The following AP5Z1 variants were observed in gnomAD, a reference collection of about 807,000 sequenced individuals.
The protein encoded by AP5Z1 is adaptor related protein complex 5 subunit zeta 1.
AP5Z1 carries 106 observed loss-of-function variants against 83.0 expected under a neutral mutation model. The observed-to-expected ratio is 1.28, with a 90% confidence interval of 1.09 to 1.50. The LOEUF is 1.50. Among genes scored for constraint, AP5Z1 ranks in the 40% most tolerant of loss-of-function variants. The pLI is 0.00. For synonymous variants in AP5Z1, 751 were observed against 514.1 expected (o/e 1.46, Z -6.23); for missense variants, 1,565 against 1,094.2 (o/e 1.43, Z -6.07).
At chr7:4,784,773 T>G in intron 6 of AP5Z1, 135 bp from the exon 7 acceptor site, 1 of 1,256,438 alleles carries the variant, frequency 8.0e-7, no homozygotes, top group South Asian at 1.7e-5. Flanking sequence ...GTGGACGTCC[T>G]GAGACGGTGA....
At chr7:4,784,762 G>A in intron 6 of AP5Z1, 146 bp from the exon 7 acceptor site, 18 of 1,139,810 alleles carry the variant, frequency 1.6e-5, no homozygotes, top group Non-Finnish European at 2.2e-5. Context: ...CTGCCGGGTG[G>A]GTGGACGTCC....
intron 2 of AP5Z1, 23 bp downstream of exon 2, chr7:4,781,335 CCGGCTCCTCACACAG>C: frequency 6.2e-7 from 1 of 1,611,566 alleles, no homozygotes; most frequent in Non-Finnish European, 8.5e-7. Flanking sequence ...ACGGCTCAGG[CCGGCTCCTCACACAG>C]CGGCCCCAGG....
At position 4,790,454 on chromosome 7, in the gene AP5Z1, G is replaced by C. The variant is rs1363362473; in HGVS notation, c.1806-5G>C. On this transcript the variant is annotated splice_region_variant and splice_polypyrimidine_tract_variant and intron_variant, in intron 14 of 16. Coordinates refer to ENST00000649063, the MANE Select transcript of AP5Z1 (RefSeq NM_014855.3). ...GAGCAGGCGTAGACCCGGCTTTCTG[G>C]GCAGTGTGCTGAGTTCTCAGTTCCT... 6.2e-7 allele frequency: 1 copy of C among 1,613,090 alleles called. No homozygotes were observed.
At chr7:4,786,181 C>T (rs1185854326) in intron 9 of AP5Z1, 69 bp from the exon 10 acceptor site, 3 of 1,472,996 alleles carry the variant, frequency 2.0e-6, no homozygotes, top group African/African-American at 1.4e-5. Context: ...CTCAGGGCCC[C>T]TAACCAGTCA....
Position 4,783,698 on chromosome 7 carries a change from C to T in AP5Z1, c.521C>T (p.Thr174Ile). 3 of 1,550,546 alleles carry T rather than the reference C, an allele frequency of 1.9e-6. No individual in the cohort carries two copies. The highest frequency in any genetic ancestry group is 2.4e-5 in the East Asian group (1 of 40,908). ...ACCCCACCCACTGCAGACCAGGCCACCCTGCTCAGCAAGCGGCTGGTCGAC... is the reference window on the plus strand; with the variant it reads ...ACCCCACCCACTGCAGACCAGGCCATCCTGCTCAGCAAGCGGCTGGTCGAC... ...SPGTLQEDQA[T>I]LLSKRLVDWL... Residue 174 changes from threonine to isoleucine, a missense_variant, in exon 5 of 17, where the codon ACC becomes ATC. Physicochemically the swap from Thr to Ile is moderately conservative, Grantham distance 89 (BLOSUM62 -1). Coordinates refer to ENST00000649063, the MANE Select transcript of AP5Z1 (RefSeq NM_014855.3).
At chr7:4,776,327 C>G (rs1166765632) in intron 1 of AP5Z1, among the ~76,000 whole-genome samples, 1 of 152,078 alleles carries the variant, frequency 6.6e-6, no homozygotes, top group African/African-American at 2.4e-5. Flanking sequence ...TCCTTCCTCA[C>G]CAACTAACCA....
At chr7:4,787,883 TC>T (rs371933919) in intron 11 of AP5Z1, 107 bp downstream of exon 11, 164 of 1,325,390 alleles carry the variant, frequency 1.2e-4, no homozygotes, top group South Asian at 3.0e-4. Flanking sequence ...CCCTCCTTCT[TC>T]CCCCCCCAAC....
At chr7:4,777,826 A>G (rs1475530615) in intron 1 of AP5Z1, among the ~76,000 whole-genome samples, 2 of 152,216 alleles carry the variant, frequency 1.3e-5, no homozygotes, top group Non-Finnish European at 2.9e-5. Flanking sequence ...GGTTTCAAGA[A>G]GGTTAATCTA....
intron 14 of AP5Z1, chr7:4,790,191 C>T (rs1310754031): frequency 3.2e-6 from 5 of 1,544,018 alleles, no homozygotes; most frequent in South Asian, 1.2e-5. Flanking sequence ...CCGTCTTGTC[C>T]CCTGGGGTCC....
intron 12 of AP5Z1, 109 bp downstream of exon 12, chr7:4,788,403 T>C: frequency 6.7e-6 from 9 of 1,337,844 alleles, no homozygotes; most frequent in Non-Finnish European, 9.0e-6. Context: ...GTGCTTTGTG[T>C]CCCACACAAG....
rs759903205 is a variant in AP5Z1 at position 4,790,845 on chromosome 7, C to T, written c.2111C>T (p.Thr704Met). Residue 704 changes from threonine to methionine, a missense_variant, in exon 16 of 17, where the codon ACG (threonine) becomes ATG (methionine). By Grantham distance (81) the Thr-to-Met change is moderately conservative. Coordinates refer to ENST00000649063, the MANE Select transcript of AP5Z1 (RefSeq NM_014855.3). ...CAGGTGGTCACCGTGCTGATGACCA[C>T]GCTGACGAAGCTGGCCTCCCGGAGC... The part of the protein sequence containing the change: ...PPQVVTVLMT[T>M]LTKLASRSQD... 3.2e-5 allele frequency: 52 copies of T among 1,608,740 alleles called. No homozygotes were observed. The highest frequency in any genetic ancestry group is 4.4e-5 in the South Asian group (4 of 89,962).
At chr7:4,786,481 GC>G in intron 10 of AP5Z1, 53 bp downstream of exon 10, 1 of 1,591,882 alleles carries the variant, frequency 6.3e-7, no homozygotes, top group Non-Finnish European at 8.6e-7. Context: ...AGTCCCTGGG[GC>G]TCCTCCCCTC....
intron 1 of AP5Z1, among the ~76,000 whole-genome samples, chr7:4,776,325 C>T (rs1423904166): frequency 3.3e-5 from 5 of 151,806 alleles, no homozygotes; most frequent in African/African-American, 1.2e-4. Flanking sequence ...GCTCCTTCCT[C>T]ACCAACTAAC....
intron 1 of AP5Z1, among the ~76,000 whole-genome samples, chr7:4,776,562 C>CAAAAAAAAAAAAAA (rs55916241): frequency 1.2e-5 from 1 of 82,416 alleles, no homozygotes; most frequent in Non-Finnish European, 2.9e-5. Context: ...ACTGAAAATA[C>CAAAAAAAAAAAAAA]AAAAAAAAAA....
At chr7:4,787,066 C>T (rs1177213045) in intron 10 of AP5Z1, among the ~76,000 whole-genome samples, 2 of 152,076 alleles carry the variant, frequency 1.3e-5, no homozygotes, top group Non-Finnish European at 2.9e-5. Context: ...GCCACCGCAC[C>T]CGGCCTGGTG....
At position 4,781,293 on chromosome 7, in the gene AP5Z1, G is replaced by C; in HGVS notation, c.160G>C (p.Ala54Pro). Residue 54 changes from alanine to proline, a missense_variant, in exon 2 of 17, where the codon GCC becomes CCC. Transcript: ENST00000649063. ...SLQRLFLIIS[A>P]TKYSRRLEKT... ...GCAGAGGCTCTTCCTCATCATCTCAGCCACGAAGTACAGCCGGAGGTGAGT... is the reference window on the plus strand; with the variant it reads ...GCAGAGGCTCTTCCTCATCATCTCACCCACGAAGTACAGCCGGAGGTGAGT... 6.2e-7 allele frequency: 1 copy of C among 1,613,622 alleles called. No individual in the cohort carries two copies. Among genetic ancestry groups the C allele is most frequent in the Non-Finnish European group, 8.5e-7 (1 of 1,179,824 alleles).
chr7:4,780,448 G>T (rs577549238), intron 1 of AP5Z1, among the ~76,000 whole-genome samples: 1 of 149,950 alleles, frequency 6.7e-6, no homozygotes, highest in Non-Finnish European at 1.5e-5. Flanking sequence ...GTGAAACCCC[G>T]TCTCTACTAA....
chr7:4,791,148 G>T lies in AP5Z1; in HGVS notation c.2187G>T (p.Leu729=), dbSNP rs766024004. ...TATTGCTGTCAAAGATGAGGACCCT[G>T]GCTCACAGTCCAGCCACCAGCTCCA... ...ASLLLSKMRT[L]AHSPATSSTH... The change falls in exon 17 of 17, where the codon CTG becomes CTT. Residue 729 remains leucine (L), a synonymous_variant. Coordinates refer to ENST00000649063, the MANE Select transcript of AP5Z1 (RefSeq NM_014855.3). 6 of 1,608,692 alleles carry T rather than the reference G, an allele frequency of 3.7e-6. No individual in the cohort carries two copies. The highest frequency in any genetic ancestry group is 5.1e-6 in the Non-Finnish European group (6 of 1,177,590).
chr7:4,789,983 C>T (rs764497708), intron 14 of AP5Z1, 54 bp downstream of exon 14: 502 of 1,296,314 alleles, frequency 3.9e-4, no homozygotes, highest in Middle Eastern at 8.2e-4. Flanking sequence ...TCCTGGACTC[C>T]TCCCCCTCTC....
Sources: allele counts gnomAD v4.1 joint callset (sites outside exome capture counted in the v4.1 genomes callset), GRCh38; gene constraint gnomAD v4.1.1; transcripts MANE v1.5; gene names NCBI Gene and HGNC (gene_info 2026-07-23, HGNC 2026-07-21).